The following NEDD4 variants were observed in gnomAD, a reference collection of about 807,000 sequenced individuals.
The protein encoded by NEDD4 is E3 ubiquitin-protein ligase NEDD4.
Under a neutral mutation model 144.9 loss-of-function variants are expected in NEDD4, and 99 were observed. The ratio of observed to expected loss-of-function variants is 0.68; its 90% CI spans 0.58 to 0.81. The LOEUF is 0.81. NEDD4 is among the 30% of genes least tolerant of loss of function. The pLI is 0.00. For missense variants in NEDD4, 985 were observed against 1,065.9 expected, an observed-to-expected ratio of 0.92 and a Z score of 1.06; for synonymous variants, 318 against 350.6, an observed-to-expected ratio of 0.91 and a Z score of 1.04.
At chr15:55,927,887 C>T (rs56771503) in intron 4 of NEDD4, among the ~76,000 whole-genome samples, 3,099 of 152,228 alleles carry the variant, frequency 0.02, 88 homozygotes, top group African/African-American at 0.071. Context: ...TGAGGAAAAA[C>T]CTCCAAAGTA....
At chr15:55,936,790 C>A (rs2136386) in intron 4 of NEDD4, among the ~76,000 whole-genome samples, 1 of 145,956 alleles carries the variant, frequency 6.9e-6, no homozygotes, top group African/African-American at 2.5e-5. Context: ...TTTGCTATTT[C>A]TTTTCTTTTT....
In NEDD4 at chr15:55,856,104, T is replaced by C. The variant is rs77988972; in HGVS notation, c.1026+27A>G. ...GAGATGCTGAGTTTTATATTTTTAT[T>C]GATTGATGGGAGAGGGTAAAACTCA... On this transcript the variant is annotated intron_variant, in intron 12 of 28. Transcript: ENST00000435532. 201 of 1,582,770 alleles carry C rather than the reference T, an allele frequency of 1.3e-4. No homozygotes were observed. In the East Asian group the frequency reaches 4.5e-3, roughly 35 times the overall value.
intron 2 of NEDD4, among the ~76,000 whole-genome samples, chr15:55,961,977 A>G (rs1473968594): frequency 1.3e-5 from 2 of 152,200 alleles, no homozygotes; most frequent in Non-Finnish European, 2.9e-5. Context: ...CTGCTGAAAG[A>G]GAAGTGTTAA....
Position 55,992,292 on chromosome 15 carries a change from C to A in NEDD4, c.45+1219G>T, listed in dbSNP as rs150154289. Among the ~76,000 whole-genome samples the A allele has an allele frequency of 2.0e-4, 31 of 152,308 alleles. No individual in the cohort carries two copies. The East Asian group carries it at 4.6e-3, about 23-fold the overall frequency. ...TTTATTTCTCTTCTGGCAGCAATAG[C>A]TAGGAAATTAAATTCTAATCGCATC... On this transcript the variant is annotated intron_variant, in intron 1 of 28. Transcript: ENST00000435532.
chr15:55,860,021 G>A (rs574402220), intron 11 of NEDD4, among the ~76,000 whole-genome samples: 5 of 152,304 alleles, frequency 3.3e-5, no homozygotes, highest in African/African-American at 1.2e-4. Flanking sequence ...GCAAAGTCCT[G>A]CTTCCTAAAA....
intron 4 of NEDD4, among the ~76,000 whole-genome samples, chr15:55,946,592 G>T (rs1217061453): frequency 1.3e-4 from 20 of 152,180 alleles, no homozygotes; most frequent in Non-Finnish European, 2.1e-4. Flanking sequence ...ACATTAGACA[G>T]ATCAATGAGA....
intron 14 of NEDD4, 113 bp from the exon 15 acceptor site, chr15:55,848,999 A>T (rs2033870247): frequency 2.5e-6 from 2 of 809,748 alleles, no homozygotes; most frequent in East Asian, 2.5e-5. Context: ...CTCTTGTAAA[A>T]GTCAATTTAT....
intron 4 of NEDD4, among the ~76,000 whole-genome samples, chr15:55,930,608 C>T (rs1037031170): frequency 5.3e-5 from 8 of 152,182 alleles, no homozygotes; most frequent in Non-Finnish European, 8.8e-5. Flanking sequence ...GAAATGCTTA[C>T]TGATATGGTT....
chr15:55,862,604 A>T (rs1459116306), intron 9 of NEDD4, among the ~76,000 whole-genome samples: 1 of 152,170 alleles, frequency 6.6e-6, no homozygotes. Flanking sequence ...AGAATTCTCC[A>T]AGACTTCTAA....
intron 1 of NEDD4, among the ~76,000 whole-genome samples, chr15:55,967,203 A>C (rs554044413): frequency 6.6e-6 from 1 of 152,278 alleles, no homozygotes; most frequent in East Asian, 1.9e-4. Context: ...ATTTGTAATA[A>C]CTACTTAGAA....
At position 55,841,904 on chromosome 15, in the gene NEDD4, T is replaced by C. The variant is rs778990384; in HGVS notation, c.1838+30A>G. On this transcript the variant is annotated intron_variant, in intron 19 of 28. Transcript: ENST00000435532. Reference sequence around the variant, plus strand: ...CTTTTAAAACAGTGATTTTTCTTTTTCTGCCGATAATCATTGTAAAGGTAC... The same window carrying C: ...CTTTTAAAACAGTGATTTTTCTTTTCCTGCCGATAATCATTGTAAAGGTAC... 4.5e-6 allele frequency: 7 copies of C among 1,570,034 alleles called. No homozygotes were observed. In the South Asian group the frequency reaches 6.7e-5, roughly 15 times the overall value.
At chr15:55,940,202 T>C (rs1242432133) in intron 4 of NEDD4, among the ~76,000 whole-genome samples, 2 of 152,096 alleles carry the variant, frequency 1.3e-5, no homozygotes, top group Non-Finnish European at 2.9e-5. Flanking sequence ...TAATACTATA[T>C]TATACACCAA....
At chr15:55,876,545 T>C (rs2035001292) in intron 5 of NEDD4, among the ~76,000 whole-genome samples, 2 of 152,180 alleles carry the variant, frequency 1.3e-5, no homozygotes, top group African/African-American at 4.8e-5. Context: ...AGTGGTATGA[T>C]TGACATAAGT....
chr15:55,934,239 T>C (rs1352016211), intron 4 of NEDD4, among the ~76,000 whole-genome samples: 1 of 152,212 alleles, frequency 6.6e-6, no homozygotes, highest in Non-Finnish European at 1.5e-5. Flanking sequence ...CTAATACAGC[T>C]TCTTTCACTT....
intron 1 of NEDD4, among the ~76,000 whole-genome samples, chr15:55,990,565 T>C (rs1217745962): frequency 6.6e-6 from 1 of 152,204 alleles, no homozygotes; most frequent in Non-Finnish European, 1.5e-5. Context: ...TGACTGTGCT[T>C]ATCAGCAGAA....
rs140341562 is a variant in NEDD4, at chr15:55,957,889, G to T, written c.120-6300C>A. On this transcript the variant is annotated intron_variant, in intron 2 of 28. Transcript: ENST00000435532. ...TCACACGGACAGAAAACCAAACACC[G>T]CATGTTCTCACTCATAGGTGGGAAC... 5.8e-3 allele frequency among the ~76,000 whole-genome samples: 879 copies of T among 152,176 alleles called. 5 individuals carry two copies. The highest frequency in any genetic ancestry group is 0.02 in the African/African-American group (829 of 41,530).
intron 24 of NEDD4, among the ~76,000 whole-genome samples, chr15:55,834,569 C>A (rs753814269): frequency 6.6e-6 from 1 of 152,088 alleles, no homozygotes; most frequent in Non-Finnish European, 1.5e-5. Flanking sequence ...GGTGGGCAGA[C>A]TGCTTGAGCC....
chr15:55,993,077 T>C (rs1261688737), intron 1 of NEDD4, among the ~76,000 whole-genome samples: 3 of 152,166 alleles, frequency 2.0e-5, no homozygotes, highest in African/African-American at 7.2e-5. Flanking sequence ...GTCCGTAAAG[T>C]TAAGTCGGCC....
intron 4 of NEDD4, among the ~76,000 whole-genome samples, chr15:55,950,158 C>G (rs1042375049): frequency 6.6e-6 from 1 of 152,126 alleles, no homozygotes; most frequent in Non-Finnish European, 1.5e-5. Context: ...AGAAATTTAG[C>G]TTCATTTTTC....
Sources: allele counts gnomAD v4.1 joint callset (sites outside exome capture counted in the v4.1 genomes callset), GRCh38; gene constraint gnomAD v4.1.1; transcripts MANE v1.5; gene names NCBI Gene and HGNC (gene_info 2026-07-23, HGNC 2026-07-21).